PDE12: variants seen among roughly 807,000 people sequenced by gnomAD.
The protein encoded by PDE12 is phosphodiesterase 12.
Under a neutral mutation model 45.4 loss-of-function variants are expected in PDE12, and 26 were observed. The ratio of observed to expected loss-of-function variants is 0.57; its 90% CI spans 0.42 to 0.79. The LOEUF (loss-of-function observed/expected upper bound fraction) is 0.79. PDE12 is among the 30% of genes least tolerant of loss of function. PDE12 has a pLI of 0.00. For missense variants in PDE12, 668 were observed against 790.0 expected (o/e 0.85, Z 1.85); for synonymous variants, 283 against 323.9 (o/e 0.87, Z 1.36).
At chr3:57,651,490 G>A in the PDE12 span, among the ~76,000 whole-genome samples, 2 of 152,292 alleles carry the variant, frequency 1.3e-5, no homozygotes, top group East Asian at 1.9e-4. Flanking sequence ...AAGTAAATTA[G>A]TAATGGCAAG....
At chr3:57,628,493 C>T in the PDE12 span, 1 of 1,168,594 alleles carries the variant, frequency 8.6e-7, no homozygotes, top group Non-Finnish European at 1.2e-6. Context: ...AAGCAAGGAG[C>T]ATTCTATTTA....
the PDE12 span, among the ~76,000 whole-genome samples, chr3:57,602,433 CT>C: frequency 1.3e-5 from 2 of 152,220 alleles, no homozygotes; most frequent in African/African-American, 4.8e-5. Context: ...TGTCCACCCA[CT>C]TTCCCTTCCA....
At chr3:57,577,030 A>T in the PDE12 span, among the ~76,000 whole-genome samples, 2 of 151,796 alleles carry the variant, frequency 1.3e-5, no homozygotes, top group Non-Finnish European at 2.9e-5. Flanking sequence ...AGAGATAGGC[A>T]TCAAGATTAC....
chr3:57,601,743 CTTTTTTTTTTTT>C, the PDE12 span, among the ~76,000 whole-genome samples: 2 of 103,728 alleles, frequency 1.9e-5, no homozygotes, highest in African/African-American at 6.9e-5. Flanking sequence ...TTCTTTCCTT[CTTTTTTTTTTTT>C]TTTTTTTTTG....
At chr3:57,567,975 G>C (rs1212757894), downstream of PDE12, among the ~76,000 whole-genome samples, 1 of 147,072 alleles carries the variant, frequency 6.8e-6, no homozygotes, top group Non-Finnish European at 1.5e-5. Flanking sequence ...GGCTGAGGCA[G>C]GAGAATCGCT....
chr3:57,603,247 G>A, the PDE12 span, among the ~76,000 whole-genome samples: 128 of 152,198 alleles, frequency 8.4e-4, no homozygotes, highest in Non-Finnish European at 1.6e-3. Flanking sequence ...AGGTACCACT[G>A]CAACATTAAT....
chr3:57,627,392 C>T, the PDE12 span: 1 of 152,132 alleles, frequency 6.6e-6, no homozygotes, highest in Non-Finnish European at 1.5e-5. Flanking sequence ...GACCTGTCCA[C>T]CTTGGCCTCC....
At chr3:57,611,723 C>T in the PDE12 span, among the ~76,000 whole-genome samples, 4 of 152,130 alleles carry the variant, frequency 2.6e-5, no homozygotes, top group East Asian at 3.9e-4. Context: ...ATCATTAAAA[C>T]GTCAGGAAAC....
chr3:57,646,360 C>T, the PDE12 span: 42 of 1,613,946 alleles, frequency 2.6e-5, no homozygotes, highest in African/African-American at 2.5e-4. Flanking sequence ...ATGGTGATGG[C>T]GCCATAACCA....
the PDE12 span, among the ~76,000 whole-genome samples, chr3:57,624,830 A>T: frequency 1.3e-5 from 2 of 152,148 alleles, no homozygotes; most frequent in African/African-American, 4.8e-5. Context: ...AAGTAAAAAT[A>T]ATTGGGAGAT....
At chr3:57,643,124 T>A in the PDE12 span, among the ~76,000 whole-genome samples, 1 of 151,734 alleles carries the variant, frequency 6.6e-6, no homozygotes, top group Admixed American at 6.6e-5. Flanking sequence ...GCAGTAAGAC[T>A]GGAAAGGGAG....
the PDE12 span, chr3:57,575,620 C>G: frequency 6.2e-7 from 1 of 1,613,570 alleles, no homozygotes; most frequent in Non-Finnish European, 8.5e-7. Context: ...TTGGCAAATC[C>G]TGTTTGTTTG....
At chr3:57,578,922 GA>G in the PDE12 span, among the ~76,000 whole-genome samples, 6 of 151,696 alleles carry the variant, frequency 4.0e-5, no homozygotes, top group South Asian at 2.1e-4. Context: ...TAATAAAAAA[GA>G]AAAAAAGATA....
At chr3:57,578,297 G>C in the PDE12 span, among the ~76,000 whole-genome samples, 2 of 151,638 alleles carry the variant, frequency 1.3e-5, no homozygotes, top group Admixed American at 1.3e-4. Context: ...GCTCACTCCT[G>C]TAATCCCAGC....
chr3:57,650,866 C>A, the PDE12 span, among the ~76,000 whole-genome samples: 1 of 149,486 alleles, frequency 6.7e-6, no homozygotes, highest in Non-Finnish European at 1.5e-5. Flanking sequence ...CTCACCACAA[C>A]CTCCGCCTCC....
the PDE12 span, among the ~76,000 whole-genome samples, chr3:57,644,807 A>C: frequency 1.6e-4 from 1 of 6,426 alleles, no homozygotes; most frequent in East Asian, 5.2e-3. Context: ...AGGGGTGGGG[A>C]GGGGAGGGGA....
At chr3:57,643,577 C>T in the PDE12 span, among the ~76,000 whole-genome samples, 1 of 152,108 alleles carries the variant, frequency 6.6e-6, no homozygotes, top group African/African-American at 2.4e-5. Context: ...TCTGTAATCC[C>T]AGCACTTTGG....
chr3:57,584,634 A>C, the PDE12 span, among the ~76,000 whole-genome samples: 1 of 152,200 alleles, frequency 6.6e-6, no homozygotes, highest in Admixed American at 6.5e-5. Flanking sequence ...CACTTCCTAC[A>C]GAAAGCCTTT....
chr3:57,605,362 G>GA, the PDE12 span, among the ~76,000 whole-genome samples: 2 of 152,102 alleles, frequency 1.3e-5, no homozygotes, highest in Non-Finnish European at 2.9e-5. Flanking sequence ...AAACCAAGGG[G>GA]AAAATCAACA....
Sources: gnomAD v4.1 joint callset for allele counts (sites outside exome capture counted in the v4.1 genomes callset) on GRCh38, gnomAD v4.1.1 for gene constraint, MANE v1.5 for transcripts, NCBI Gene and HGNC (gene_info 2026-07-23, HGNC 2026-07-21) for gene names.